SLC38A11: variants seen among roughly 807,000 people sequenced by gnomAD.
SLC38A11 encodes putative sodium-coupled neutral amino acid transporter 11.
SLC38A11 carries 51 observed loss-of-function variants against 49.4 expected under a neutral mutation model. The ratio of observed to expected loss-of-function variants is 1.03; its 90% CI spans 0.83 to 1.30. The LOEUF (loss-of-function observed/expected upper bound fraction) is 1.30. Ranked by LOEUF, SLC38A11 falls within the 50% of genes most tolerant of loss-of-function variation. The pLI is 0.00. For synonymous variants in SLC38A11, 203 were observed against 192.9 expected (o/e 1.05, Z -0.43); for missense variants, 574 against 556.2 (o/e 1.03, Z -0.32).
chr2:164,938,351 T>C (rs1280787892), intron 6 of SLC38A11, among the ~76,000 whole-genome samples: 3 of 152,280 alleles, frequency 2.0e-5, no homozygotes, highest in East Asian at 3.9e-4. Context: ...TTAGGGCTCC[T>C]AACCACTCTG....
At chr2:164,945,852 T>C (rs766387670) in intron 3 of SLC38A11, 125 bp from the exon 4 acceptor site, 154 of 1,000,056 alleles carry the variant, frequency 1.5e-4, no homozygotes, top group Admixed American at 2.8e-4. Context: ...GCTGCAGTAT[T>C]AGCAGAGCCA....
intron 9 of SLC38A11, among the ~76,000 whole-genome samples, chr2:164,912,758 T>C (rs1294474468): frequency 1.3e-5 from 2 of 152,040 alleles, no homozygotes. Context: ...GGACTAAATA[T>C]ACCTTGAAAC....
chr2:164,898,814 G>A (rs1684473039), intron 11 of SLC38A11, 84 bp from the exon 12 acceptor site: 3 of 1,346,414 alleles, frequency 2.2e-6, no homozygotes, highest in Non-Finnish European at 3.1e-6. Context: ...TACAAAATGT[G>A]TTTTTCATGC....
chr2:164,919,462 T>C (rs906704253), intron 7 of SLC38A11, among the ~76,000 whole-genome samples: 4 of 152,168 alleles, frequency 2.6e-5, no homozygotes, highest in African/African-American at 9.7e-5. Flanking sequence ...AAAACATCCA[T>C]ATGATAAAAT....
intron 7 of SLC38A11, among the ~76,000 whole-genome samples, chr2:164,924,730 T>TTTA (rs563250045): frequency 1.1e-4 from 17 of 151,964 alleles, no homozygotes; most frequent in Admixed American, 1.1e-3. Flanking sequence ...TTATTTATTA[T>TTTA]TTATTATTTA....
In SLC38A11 at chr2:164,937,382, T is replaced by C. The variant is rs1559119908; in HGVS notation, c.585A>G (p.Val195=). ...TGLTTLILGI[V]MARAISLGPH... ...GACCCAGTGAAATTGCCCTTGCCAT[T>C]ACAATTCCAAGAATCAGAGTTGTTA... Residue 195 remains valine, a synonymous_variant, in exon 7 of 12, where the codon GTA becomes GTG. Coordinates refer to ENST00000685975, the MANE Select transcript of SLC38A11 (RefSeq NM_001351537.2). 6.2e-7 allele frequency: 1 copy of C among 1,612,078 alleles called. No homozygotes were observed. The highest frequency in any genetic ancestry group is 8.5e-7 in the Non-Finnish European group (1 of 1,178,470).
rs770845176 is a variant in SLC38A11, at chr2:164,898,540, A to T, written c.1286T>A (p.Met429Lys). The T allele has an allele frequency of 1.9e-6, 3 of 1,613,618 alleles. No homozygotes were observed. In the Admixed American group the frequency reaches 5.0e-5, roughly 27 times the overall value. The change falls in exon 12 of 12, where the codon ATG becomes AAG. Residue 429 changes from methionine to lysine, a missense_variant. Physicochemically the swap from Met to Lys is moderately conservative, Grantham distance 95. Transcript: ENST00000685975. Reference sequence around the variant, plus strand: ...GAAATTGTCAGGAAAGCAGTAGAACATTTCCTGCCCATGGGTGCAGTCTTG... The same window carrying T: ...GAAATTGTCAGGAAAGCAGTAGAACTTTTCCTGCCCATGGGTGCAGTCTTG... ...NTQDCTHGQE[M>K]FYCFPDNFSL... is the part of the protein sequence containing the mutation.
chr2:164,933,877 C>T lies in SLC38A11; in HGVS notation c.617+3473G>A, dbSNP rs73970928. Among the ~76,000 whole-genome samples, 421 of 152,174 alleles carry T rather than the reference C, an allele frequency of 2.8e-3. 4 individuals carry two copies. Among genetic ancestry groups the T allele is most frequent in the African/African-American group, 9.7e-3 (401 of 41,534 alleles). On this transcript the variant is annotated intron_variant, in intron 7 of 11. Coordinates refer to ENST00000685975, the MANE Select transcript of SLC38A11 (RefSeq NM_001351537.2). Reference sequence around the variant, plus strand: ...TTGTTTGCAGTAGTATTCAAACAGACATAAAAGGTGGCACAGTATTAAAAA... The same window carrying T: ...TTGTTTGCAGTAGTATTCAAACAGATATAAAAGGTGGCACAGTATTAAAAA...
rs1338762839 is a variant in SLC38A11, at chr2:164,897,247, C to T, written c.*1190G>A. 1 of 152,134 alleles carries T rather than the reference C, an allele frequency of 6.6e-6. No homozygotes were observed. The highest frequency in any genetic ancestry group is 1.5e-5 in the Non-Finnish European group (1 of 68,038). 9.4% of individuals were successfully genotyped at this position (152,134 alleles called of 1,614,324 possible). A position where few individuals can be genotyped will look rare whatever the true frequency, so the allele number is the denominator to read the frequency against. ...TGTGGTGACAAAGCTATCAGTAGAC[C>T]ACCTCGAGCTCTCAGTTCCTTTAGG... On this transcript the variant is annotated 3_prime_UTR_variant, in exon 12 of 12. Coordinates refer to ENST00000685975, the MANE Select transcript of SLC38A11 (RefSeq NM_001351537.2).
intron 7 of SLC38A11, among the ~76,000 whole-genome samples, chr2:164,935,346 C>T (rs889483462): frequency 1.3e-5 from 2 of 151,484 alleles, no homozygotes; most frequent in African/African-American, 4.9e-5. Flanking sequence ...AATAAATGGC[C>T]ATATTGAAGT....
In SLC38A11 at chr2:164,894,889, C is replaced by T. The variant is rs926823173; in HGVS notation, c.*3548G>A. Reference sequence around the variant, plus strand: ...TTCCCTGAGATCTAGCATGGTATTCCTACATCTTGCTTGTATTGTGTCCCA... The same window carrying T: ...TTCCCTGAGATCTAGCATGGTATTCTTACATCTTGCTTGTATTGTGTCCCA... On this transcript the variant is annotated 3_prime_UTR_variant, in exon 12 of 12. Transcript: ENST00000685975. Among the ~76,000 whole-genome samples, 2 of 152,098 alleles carry T rather than the reference C, an allele frequency of 1.3e-5. No individual in the cohort carries two copies. The highest frequency in any genetic ancestry group is 4.8e-5 in the African/African-American group (2 of 41,398).
In SLC38A11 at chr2:164,954,659, GACA is replaced by G; in HGVS notation, c.123_125del (p.Val42del). Reference sequence around the variant, plus strand: ...TTATACCAGATCCTATAATCGAGTTGACAACATTAAAAAGAGCAGCAGACTGAC... The same window carrying G: ...TTATACCAGATCCTATAATCGAGTTGACATTAAAAAGAGCAGCAGACTGAC... On this transcript the variant is annotated inframe_deletion, in exon 2 of 12. Transcript: ENST00000685975. 2 of 1,534,364 alleles carry G rather than the reference GACA, an allele frequency of 1.3e-6. No individual in the cohort carries two copies. The highest frequency in any genetic ancestry group is 1.8e-6 in the Non-Finnish European group (2 of 1,137,338).
chr2:164,937,395 A>G lies in SLC38A11; in HGVS notation c.572T>C (p.Ile191Thr). Residue 191 changes from isoleucine to threonine, a missense_variant, in exon 7 of 12, where the codon ATT becomes ACT. By Grantham distance (89) the Ile-to-Thr change is moderately conservative. Transcript: ENST00000685975. ...SLISTGLTTLILGIVMARAIS... is the reference protein window; with the variant it reads ...SLISTGLTTLTLGIVMARAIS... Reference sequence around the variant, plus strand: ...TGCCCTTGCCATTACAATTCCAAGAATCAGAGTTGTTAAACCTGTAGAGAT... The same window carrying G: ...TGCCCTTGCCATTACAATTCCAAGAGTCAGAGTTGTTAAACCTGTAGAGAT... 1 of 1,612,024 alleles carries G rather than the reference A, an allele frequency of 6.2e-7. No homozygotes were observed.
intron 11 of SLC38A11, among the ~76,000 whole-genome samples, chr2:164,899,388 C>A: frequency 6.6e-6 from 1 of 152,184 alleles, no homozygotes; most frequent in South Asian, 2.1e-4. Flanking sequence ...TAGGAATAAA[C>A]CCAACCTAAG....
intron 7 of SLC38A11, among the ~76,000 whole-genome samples, chr2:164,928,434 C>G (rs752371682): frequency 6.6e-6 from 1 of 152,168 alleles, no homozygotes; most frequent in African/African-American, 2.4e-5. Context: ...CACATAGATT[C>G]ATTCATGCAT....
chr2:164,932,297 T>G (rs1157650379), intron 7 of SLC38A11, among the ~76,000 whole-genome samples: 2 of 152,104 alleles, frequency 1.3e-5, no homozygotes, highest in Non-Finnish European at 2.9e-5. Context: ...AAGTAACACT[T>G]ATACACCATT....
intron 3 of SLC38A11, among the ~76,000 whole-genome samples, chr2:164,948,966 G>C (rs1025233903): frequency 1.3e-5 from 2 of 150,008 alleles, no homozygotes; most frequent in Non-Finnish European, 3.0e-5. Context: ...TTTGAGGCTA[G>C]GTTAAATGCC....
chr2:164,952,744 C>G lies in SLC38A11; in HGVS notation c.192G>C (p.Leu64Phe), dbSNP rs748880396. ...AAACCCAGAATAAAAGCAATATTCC[C>G]AAAGGAAACCCAGCTTGCTTCATTG... is the stretch of plus-strand genomic sequence containing the variant. ...PYSMKQAGFPLGILLLFWVSY... is the reference protein window; with the variant it reads ...PYSMKQAGFPFGILLLFWVSY... Residue 64 changes from leucine (L) to phenylalanine (F), a missense_variant, in exon 3 of 12, where the codon TTG (leucine) becomes TTC (phenylalanine). Physicochemically the swap from Leu to Phe is conservative, Grantham distance 22. Transcript: ENST00000685975. 6.2e-7 allele frequency: 1 copy of G among 1,607,228 alleles called. No homozygotes were observed. Among genetic ancestry groups the G allele is most frequent in the South Asian group, 1.1e-5 (1 of 88,998 alleles).
chr2:164,908,673 C>T lies in SLC38A11; in HGVS notation c.1062G>A (p.Leu354=). Residue 354 remains leucine (L), a synonymous_variant, in exon 11 of 12, where the codon CTG becomes CTA. Transcript: ENST00000685975. ...CTAGAACTATCCCGAGGCAATCAAT[C>T]AGCAATGACACAAGCGTGGCTACAG... ...VITVATLVSL[L]IDCLGIVLEL... 6.2e-7 allele frequency: 1 copy of T among 1,606,056 alleles called. No individual in the cohort carries two copies. Among genetic ancestry groups the T allele is most frequent in the East Asian group, 2.2e-5 (1 of 44,554 alleles).
Sources: gnomAD v4.1 joint callset for allele counts (sites outside exome capture counted in the v4.1 genomes callset) on GRCh38, gnomAD v4.1.1 for gene constraint, MANE v1.5 for transcripts, NCBI Gene and HGNC (gene_info 2026-07-23, HGNC 2026-07-21) for gene names.